RAPGEF2: variants seen among roughly 807,000 people sequenced by gnomAD.
RAPGEF2 encodes the protein Rap guanine nucleotide exchange factor 2.
RAPGEF2 carries 54 observed loss-of-function variants against 186.7 expected under a neutral mutation model. The ratio of observed to expected loss-of-function variants is 0.29; its 90% confidence interval spans 0.23 to 0.36. The LOEUF is 0.36. RAPGEF2 is among the 10% of genes least tolerant of loss of function. The probability of loss-of-function intolerance (pLI) is 1.00; values close to 1 mark genes in which losing one functional copy is unlikely to be tolerated. For synonymous variants in RAPGEF2, 712 were observed against 705.9 expected (o/e 1.01, Z -0.14); for missense variants, 1,532 against 2,045.0 (o/e 0.75, Z 4.84).
rs1344676821 is a variant in RAPGEF2, at chr4:159,323,509, A to G, written c.1041A>G (p.Pro347=). Residue 347 remains proline (P), a synonymous_variant, in exon 11 of 30, where the codon CCA becomes CCG. Transcript: ENST00000691494. Reference sequence around the variant, plus strand: ...ATGGATCTGTGGAAGTGACTTATCCAGATGGAAAAGCAGAAATACTGTGCA... The same window carrying G: ...ATGGATCTGTGGAAGTGACTTATCCGGATGGAAAAGCAGAAATACTGTGCA... ...ILNGSVEVTY[P]DGKAEILCMG... 6.2e-7 allele frequency: 1 copy of G among 1,613,144 alleles called. No homozygotes were observed. The highest frequency in any genetic ancestry group is 1.7e-5 in the Admixed American group (1 of 59,922).
intron 7 of RAPGEF2, among the ~76,000 whole-genome samples, chr4:159,278,633 C>G (rs1406704437): frequency 6.6e-6 from 1 of 152,086 alleles, no homozygotes. Context: ...AAGAAAGTTA[C>G]GTAAAGAGAA....
Position 159,242,971 on chromosome 4 carries a change from T to C in RAPGEF2, c.526-803T>C, listed in dbSNP as rs112457712. 3.3e-3 allele frequency among the ~76,000 whole-genome samples: 498 copies of C among 152,142 alleles called. 2 individuals are homozygous for C. The highest frequency in any genetic ancestry group is 0.011 in the African/African-American group (447 of 41,552). ...TCTTATAGTCATATTTGTCACACTT[T>C]AGTTGGGTGGGCCATTTAATAACTG... On this transcript the variant is annotated intron_variant, in intron 6 of 29. Transcript: ENST00000691494.
intron 7 of RAPGEF2, among the ~76,000 whole-genome samples, chr4:159,292,081 C>T (rs1273892636): frequency 6.6e-6 from 1 of 152,100 alleles, no homozygotes; most frequent in Non-Finnish European, 1.5e-5. Context: ...AACATTACCA[C>T]CGTTGCTGAT....
At chr4:159,128,944 G>GTGTGTA (rs764619769) in intron 1 of RAPGEF2, 7 of 132,950 alleles carry the variant, frequency 5.3e-5, no homozygotes, top group African/African-American at 1.6e-4. Context: ...GTGTGTGTGT[G>GTGTGTA]TATATATATA....
chr4:159,143,075 T>A (rs1196142979), intron 1 of RAPGEF2, among the ~76,000 whole-genome samples: 6 of 152,172 alleles, frequency 3.9e-5, no homozygotes, highest in African/African-American at 1.4e-4. Context: ...TTTTAAGGAT[T>A]AAGAAGAAAT....
intron 19 of RAPGEF2, among the ~76,000 whole-genome samples, chr4:159,340,371 G>A (rs1464190770): frequency 1.3e-5 from 2 of 152,074 alleles, no homozygotes; most frequent in Non-Finnish European, 2.9e-5. Context: ...CCACGATAGA[G>A]TTTTACAGAG....
chr4:159,151,519 C>A (rs1743528625), intron 1 of RAPGEF2, among the ~76,000 whole-genome samples: 1 of 152,196 alleles, frequency 6.6e-6, no homozygotes, highest in South Asian at 2.1e-4. Context: ...GCCTGTTCTG[C>A]ATAAAGTCCT....
In RAPGEF2 at chr4:159,162,106, T is replaced by C. The variant is rs142556790; in HGVS notation, c.70-24536T>C. On this transcript the variant is annotated intron_variant, in intron 1 of 29. Coordinates refer to ENST00000691494, the MANE Select transcript of RAPGEF2 (RefSeq NM_001394067.2). ...TTTGTTAAAAATCTGGAATCTTTGC[T>C]GGGTGTGGTAGGTCGTGCTTGTAAT... 1.6e-3 allele frequency among the ~76,000 whole-genome samples: 237 copies of C among 151,620 alleles called. 1 individual carries two copies. Among genetic ancestry groups the C allele is most frequent in the African/African-American group, 5.3e-3 (219 of 41,262 alleles).
intron 1 of RAPGEF2, among the ~76,000 whole-genome samples, chr4:159,164,816 A>G (rs530349624): frequency 2.6e-5 from 4 of 152,356 alleles, no homozygotes; most frequent in Admixed American, 2.0e-4. Context: ...TCAAAATAGT[A>G]AAACTGACTG....
rs747917184 is a variant in RAPGEF2 at position 159,345,091 on chromosome 4, C to G, written c.3279-15C>G. The G allele has an allele frequency of 1.2e-6, 2 of 1,602,494 alleles. No individual in the cohort carries two copies. The highest frequency in any genetic ancestry group is 4.5e-5 in the East Asian group (2 of 44,832). ...ATGCTAGAGTGAGCTGCATATGTAC[C>G]TTTTCATCTTCCAGGTCTCTCAGCC... is the stretch of plus-strand genomic sequence containing the variant. On this transcript the variant is annotated splice_polypyrimidine_tract_variant and intron_variant, in intron 23 of 29. Coordinates refer to ENST00000691494, the MANE Select transcript of RAPGEF2 (RefSeq NM_001394067.2).
intron 29 of RAPGEF2, among the ~76,000 whole-genome samples, chr4:159,356,964 T>C (rs571673613): frequency 3.9e-5 from 6 of 152,304 alleles, no homozygotes; most frequent in African/African-American, 1.4e-4. Flanking sequence ...TTTAGAAGCA[T>C]GTAGGATTCT....
intron 3 of RAPGEF2, among the ~76,000 whole-genome samples, chr4:159,209,976 A>G (rs1270668959): frequency 6.6e-6 from 1 of 152,266 alleles, no homozygotes; most frequent in Non-Finnish European, 1.5e-5. Context: ...GAGTTATTGC[A>G]AAAGAAAAGA....
chr4:159,213,666 AT>A (rs1286609696), intron 4 of RAPGEF2, among the ~76,000 whole-genome samples: 6 of 151,386 alleles, frequency 4.0e-5, no homozygotes, highest in African/African-American at 1.5e-4. Context: ...TGTTTTTCTA[AT>A]TTTTTTTCTT....
chr4:159,149,262 T>C (rs1743277395), intron 1 of RAPGEF2, among the ~76,000 whole-genome samples: 1 of 152,316 alleles, frequency 6.6e-6, no homozygotes, highest in South Asian at 2.1e-4. Context: ...TTTGTTTATT[T>C]GTTTGTTTGC....
intron 4 of RAPGEF2, among the ~76,000 whole-genome samples, chr4:159,234,277 A>C (rs1168509827): frequency 6.6e-6 from 1 of 152,184 alleles, no homozygotes; most frequent in Non-Finnish European, 1.5e-5. Flanking sequence ...TGTACATTTA[A>C]GTTACCCAAG....
chr4:159,168,312 A>T (rs4411937), intron 1 of RAPGEF2, among the ~76,000 whole-genome samples: 56,195 of 152,010 alleles, frequency 0.37, 10,447 homozygotes, highest in African/African-American at 0.39. Flanking sequence ...TAATTACAAT[A>T]TTCAAAGGAA....
At position 159,341,649 on chromosome 4, in the gene RAPGEF2, C is replaced by T. The variant is rs748713117; in HGVS notation, c.2620C>T (p.Leu874Phe). 4.3e-6 allele frequency: 7 copies of T among 1,613,816 alleles called. No individual in the cohort carries two copies. In the African/African-American group the frequency reaches 9.3e-5, roughly 22 times the overall value. The change falls in exon 20 of 30, where the codon CTC (leucine) becomes TTC (phenylalanine). Residue 874 changes from leucine to phenylalanine, a missense_variant. This residue lies in a region of RAPGEF2 where 810 missense variants were observed against 1,210.5 expected (regional missense o/e 0.67). Coordinates refer to ENST00000691494, the MANE Select transcript of RAPGEF2 (RefSeq NM_001394067.2). Reference protein sequence around the residue: ...QELLRESQISLLQLSTVEVAT... With the variant: ...QELLRESQISFLQLSTVEVAT... The stretch of plus-strand genomic sequence containing the variant: ...GTTGTTGAGAGAGAGTCAAATTTCC[C>T]TCCTTCAGCTCAGCACTGTGGAAGT...
chr4:159,174,858 G>C (rs1466698419), intron 1 of RAPGEF2, among the ~76,000 whole-genome samples: 2 of 151,830 alleles, frequency 1.3e-5, no homozygotes, highest in Non-Finnish European at 2.9e-5. Context: ...CCGGGCTCAA[G>C]TGATTCTCCT....
chr4:159,121,892 C>A (rs1260777117), intron 1 of RAPGEF2, among the ~76,000 whole-genome samples: 2 of 148,836 alleles, frequency 1.3e-5, no homozygotes, highest in Non-Finnish European at 3.0e-5. Context: ...AAAAAATTAG[C>A]CGGGCATAGG....
Sources: allele counts gnomAD v4.1 joint callset (sites outside exome capture counted in the v4.1 genomes callset), GRCh38; gene constraint gnomAD v4.1.1; regional missense constraint gnomAD v4.1.1; transcripts MANE v1.5; gene names NCBI Gene and HGNC (gene_info 2026-07-23, HGNC 2026-07-21).